The following FGF14 variants were observed in gnomAD, a reference collection of about 807,000 sequenced individuals.
FGF14 encodes the protein fibroblast growth factor homologous factor 4.
In FGF14, 5 loss-of-function variants were observed where a neutral mutation model predicts 25.5. The observed-to-expected ratio is 0.20, with a 90% CI of 0.10 to 0.41. The LOEUF is 0.41. Ranked by LOEUF, FGF14 falls within the 10% of genes least tolerant of loss-of-function variation. The pLI is 1.00. For missense variants in FGF14, 222 were observed against 320.1 expected (o/e 0.69, Z 2.34); for synonymous variants, 138 against 118.3 (o/e 1.17, Z -1.08).
At chr13:101,843,187 G>A (rs2043276254) in intron 3 of FGF14, among the ~76,000 whole-genome samples, 1 of 152,042 alleles carries the variant, frequency 6.6e-6, no homozygotes, top group Admixed American at 6.6e-5. Flanking sequence ...ATTTTTTGAA[G>A]ATTAATGTAT....
intron 1 of FGF14, among the ~76,000 whole-genome samples, chr13:102,205,877 T>C (rs1303948369): frequency 6.7e-6 from 1 of 149,742 alleles, no homozygotes; most frequent in Non-Finnish European, 1.5e-5. Flanking sequence ...ACACTCCTAG[T>C]GGAAGCCATG....
At chr13:102,072,406 A>C (rs974907276) in intron 1 of FGF14, among the ~76,000 whole-genome samples, 9 of 152,186 alleles carry the variant, frequency 5.9e-5, no homozygotes, top group African/African-American at 2.2e-4. Flanking sequence ...GCAAAGTATC[A>C]CTCTCAGAAT....
At chr13:101,939,910 C>G (rs2035334614) in intron 1 of FGF14, among the ~76,000 whole-genome samples, 1 of 152,032 alleles carries the variant, frequency 6.6e-6, no homozygotes, top group African/African-American at 2.4e-5. Flanking sequence ...CCATGATATA[C>G]AAGAGAAGAA....
intron 1 of FGF14, among the ~76,000 whole-genome samples, chr13:102,028,884 CTCTCCTGAGCTT>C (rs2041070259): frequency 6.6e-6 from 1 of 152,056 alleles, no homozygotes; most frequent in South Asian, 2.1e-4. Context: ...GCATTCACGT[CTCTCCTGAGCTT>C]TGCAAGTCTA....
At chr13:102,224,516 T>G (rs1467332100) in intron 1 of FGF14, among the ~76,000 whole-genome samples, 1 of 152,130 alleles carries the variant, frequency 6.6e-6, no homozygotes, top group Non-Finnish European at 1.5e-5. Flanking sequence ...TTACCACAAG[T>G]TGTCCTAGGA....
At chr13:102,351,538 T>C (rs2057279948) in intron 1 of FGF14, among the ~76,000 whole-genome samples, 1 of 152,238 alleles carries the variant, frequency 6.6e-6, no homozygotes, top group Non-Finnish European at 1.5e-5. Context: ...CAAAGATGTA[T>C]TATCTGACAG....
intron 1 of FGF14, among the ~76,000 whole-genome samples, chr13:101,891,959 A>G (rs1013952488): frequency 3.3e-5 from 5 of 152,172 alleles, no homozygotes; most frequent in African/African-American, 1.2e-4. Context: ...AGCTCTATAA[A>G]TAAATACAGA....
At chr13:102,029,771 G>A (rs1482581464) in intron 1 of FGF14, among the ~76,000 whole-genome samples, 1 of 152,104 alleles carries the variant, frequency 6.6e-6, no homozygotes, top group South Asian at 2.1e-4. Context: ...AATGGAAACA[G>A]AACTGATGTT....
At chr13:101,952,959 G>A (rs532663306) in intron 1 of FGF14, among the ~76,000 whole-genome samples, 64 of 152,238 alleles carry the variant, frequency 4.2e-4, no homozygotes, top group Admixed American at 2.7e-3. Flanking sequence ...GCTCGAACCC[G>A]GGAGGTAGAG....
At chr13:102,234,074 C>A (rs1370103370) in intron 1 of FGF14, among the ~76,000 whole-genome samples, 1 of 152,096 alleles carries the variant, frequency 6.6e-6, no homozygotes, top group Non-Finnish European at 1.5e-5. Flanking sequence ...GTTTAACAGG[C>A]AGAGTTTGGG....
intron 3 of FGF14, among the ~76,000 whole-genome samples, chr13:101,804,035 A>G (rs1485483253): frequency 1.3e-5 from 2 of 152,192 alleles, no homozygotes; most frequent in Middle Eastern, 3.4e-3. Flanking sequence ...CACAATATTT[A>G]AAGATTACTT....
intron 1 of FGF14, among the ~76,000 whole-genome samples, chr13:102,019,947 T>A (rs1425185059): frequency 6.6e-6 from 1 of 152,170 alleles, no homozygotes; most frequent in Non-Finnish European, 1.5e-5. Flanking sequence ...GAAAAAGTAA[T>A]TTTATTTTTG....
At chr13:102,214,304 G>A (rs1178899316) in intron 1 of FGF14, among the ~76,000 whole-genome samples, 1 of 152,076 alleles carries the variant, frequency 6.6e-6, no homozygotes, top group Admixed American at 6.6e-5. Flanking sequence ...TTAAAGTTCT[G>A]TTTATTTTGA....
chr13:101,723,125 C>G (rs2035109799), intron 4 of FGF14, 158 bp from the exon 5 acceptor site: 1 of 830,552 alleles, frequency 1.2e-6, no homozygotes, highest in African/African-American at 1.7e-5. Flanking sequence ...GTAAAGCAAT[C>G]ATTTCCAGCC....
chr13:101,996,469 A>G (rs2039193652), intron 1 of FGF14, among the ~76,000 whole-genome samples: 1 of 152,202 alleles, frequency 6.6e-6, no homozygotes, highest in Non-Finnish European at 1.5e-5. Context: ...GATGAGGAGA[A>G]AAAGAGAAGT....
chr13:102,272,077 G>C (rs2053274906), intron 1 of FGF14, among the ~76,000 whole-genome samples: 1 of 152,012 alleles, frequency 6.6e-6, no homozygotes. Flanking sequence ...ACCAACCCTG[G>C]CCGAATTTTT....
intron 3 of FGF14, among the ~76,000 whole-genome samples, chr13:101,780,378 C>T (rs1566891997): frequency 6.6e-6 from 1 of 152,120 alleles, no homozygotes; most frequent in Non-Finnish European, 1.5e-5. Flanking sequence ...TAATTTTCCA[C>T]CAGGCACTTG....
intron 1 of FGF14, among the ~76,000 whole-genome samples, chr13:102,161,664 G>GTC (rs761957246): frequency 0.092 from 2,969 of 32,386 alleles, 238 homozygotes; most frequent in African/African-American, 0.17. Context: ...AGAAGAAGAA[G>GTC]AAGAAGAAGA....
intron 1 of FGF14, among the ~76,000 whole-genome samples, chr13:102,102,293 T>C (rs2044700044): frequency 6.6e-6 from 1 of 152,014 alleles, no homozygotes; most frequent in Admixed American, 6.6e-5. Context: ...AAATCATGAG[T>C]TTAGAAGTGG....
Sources: gnomAD v4.1 joint callset for allele counts (sites outside exome capture counted in the v4.1 genomes callset) on GRCh38, gnomAD v4.1.1 for gene constraint, MANE v1.5 for transcripts, NCBI Gene and HGNC (gene_info 2026-07-23, HGNC 2026-07-21) for gene names.